Variants in ACAT1 observed in about 807,000 individuals in gnomAD.
ACAT1 encodes acetyl-CoA acetyltransferase, mitochondrial.
A neutral mutation model predicts 47.3 loss-of-function variants in ACAT1; 28 were observed. The observed-to-expected ratio is 0.59, with a 90% CI of 0.44 to 0.81. The LOEUF (loss-of-function observed/expected upper bound fraction) is 0.81, where lower values mean the gene tolerates loss of function less well. Ranked by LOEUF, ACAT1 falls within the 30% of genes least tolerant of loss-of-function variation. ACAT1 has a pLI of 0.00. For missense variants in ACAT1, 469 were observed against 524.3 expected (o/e 0.89, Z 1.03); for synonymous variants, 181 against 173.6 (o/e 1.04, Z -0.34).
intron 1 of ACAT1, among the ~76,000 whole-genome samples, chr11:108,129,550 G>C (rs933595241): frequency 6.6e-6 from 1 of 152,040 alleles, no homozygotes; most frequent in Non-Finnish European, 1.5e-5. Context: ...TGTATTTTTA[G>C]TAGAGTTGGG....
In ACAT1 at chr11:108,131,959, GTAATT is replaced by G; in HGVS notation, c.120+9_120+13del. ...GTATCAAAACCCACTTTGAAGGTAAGTAATTTAAATTGTGCTTTAAAATTTCCAGA... is the reference window on the plus strand; with the variant it reads ...GTATCAAAACCCACTTTGAAGGTAAGTAAATTGTGCTTTAAAATTTCCAGA... On this transcript the variant is annotated splice_donor_region_variant and intron_variant, in intron 2 of 11. Coordinates refer to ENST00000265838, the MANE Select transcript of ACAT1 (RefSeq NM_000019.4). 6.6e-7 allele frequency: 1 copy of G among 1,504,682 alleles called. No individual in the cohort carries two copies. The highest frequency in any genetic ancestry group is 1.4e-5 in the African/African-American group (1 of 72,702). The allele number at this position is 1,504,682 out of a possible 1,614,324, so 93.2% of individuals were successfully genotyped here. A position where few individuals can be genotyped will look rare whatever the true frequency, so the allele number is the denominator to read the frequency against.
intron 6 of ACAT1, 66 bp downstream of exon 6, chr11:108,139,107 A>G (rs768058210): frequency 2.5e-6 from 4 of 1,586,932 alleles, no homozygotes; most frequent in African/African-American, 1.3e-5. Flanking sequence ...TTCTTACTCT[A>G]TGTACTTTAC....
chr11:108,142,822 GCGAGACC>G, intron 9 of ACAT1: 1 of 420,526 alleles, frequency 2.4e-6, no homozygotes. Context: ...GGGTGACAGA[GCGAGACC>G]CTGTCTTAAA....
chr11:108,140,085 A>G lies in ACAT1; in HGVS notation c.600A>G (p.Thr200=). 6.2e-7 allele frequency: 1 copy of G among 1,614,102 alleles called. No individual in the cohort carries two copies. Among genetic ancestry groups the G allele is most frequent in the Non-Finnish European group, 8.5e-7 (1 of 1,179,952 alleles). Residue 200 remains threonine, a synonymous_variant, in exon 7 of 12, where the codon ACA becomes ACG. Transcript: ENST00000265838. ...KIHMGSCAEN[T]AKKLNIARNE... Reference sequence around the variant, plus strand: ...ATCAGGGCAGCTGTGCTGAGAATACAGCAAAGAAGCTGAATATTGCACGAA... The same window carrying G: ...ATCAGGGCAGCTGTGCTGAGAATACGGCAAAGAAGCTGAATATTGCACGAA...
chr11:108,117,324 TGGAGA>T (rs1864971265), upstream of ACAT1, among the ~76,000 whole-genome samples: 2 of 147,118 alleles, frequency 1.4e-5, no homozygotes, highest in African/African-American at 2.5e-5. Context: ...TTTTTTTTTT[TGGAGA>T]CAGAGTTTTG....
upstream of ACAT1, among the ~76,000 whole-genome samples, chr11:108,118,772 A>G (rs2077105904): frequency 6.6e-6 from 1 of 152,246 alleles, no homozygotes; most frequent in Admixed American, 6.5e-5. Flanking sequence ...TTTAAAGAGC[A>G]GCTTGCCTGC....
At chr11:108,141,369 C>CAAAAAAAAAAAAA (rs60002941) in intron 7 of ACAT1, among the ~76,000 whole-genome samples, 11 of 69,320 alleles carry the variant, frequency 1.6e-4, no homozygotes, top group Non-Finnish European at 2.5e-4. Context: ...AACCCTGCCT[C>CAAAAAAAAAAAAA]AAAAAAAAAA....
upstream of ACAT1, among the ~76,000 whole-genome samples, chr11:108,118,950 C>G (rs1363817036): frequency 6.6e-6 from 1 of 152,138 alleles, no homozygotes; most frequent in African/African-American, 2.4e-5. Context: ...AGTTAGGTTT[C>G]TCCTAGGGCA....
In ACAT1 at chr11:108,133,847, AC is replaced by A. The variant is rs779565865; in HGVS notation, c.149del (p.Thr50AsnfsTer7). ...AGTGGTCATAGTAAGTGCTACAAGA[AC>A]ACCCATTGGATCTTTTTTAGGCAGC... Reference protein sequence around the residue: ...KEVVIVSATRTPIGSFLGSLS... With the variant: ...KEVVIVSATRXPIGSFLGSLS... On this transcript the variant is annotated frameshift_variant, in exon 3 of 12. Coordinates refer to ENST00000265838, the MANE Select transcript of ACAT1 (RefSeq NM_000019.4). LOFTEE classifies it high-confidence loss of function. The A allele has an allele frequency of 1.9e-6, 3 of 1,613,972 alleles. No homozygotes were observed. The East Asian group carries it at 6.7e-5, about 36-fold the overall frequency.
At chr11:108,142,403 A>G in intron 8 of ACAT1, 34 bp from the exon 9 acceptor site, 1 of 1,489,036 alleles carries the variant, frequency 6.7e-7, no homozygotes, top group Non-Finnish European at 9.4e-7. Context: ...ATTGTGAAGG[A>G]ATGTTTTGAC....
Position 108,145,696 on chromosome 11 carries a change from C to A in ACAT1, c.1006-506C>A, listed in dbSNP as rs532182210. Reference sequence around the variant, plus strand: ...AAATTTTCTGTCCCCTATGTCAAAACAGACATAATGCAAACAAAATTCTTT... The same window carrying A: ...AAATTTTCTGTCCCCTATGTCAAAAAAGACATAATGCAAACAAAATTCTTT... On this transcript the variant is annotated intron_variant, in intron 10 of 11. Transcript: ENST00000265838. 9.2e-5 allele frequency among the ~76,000 whole-genome samples: 14 copies of A among 152,122 alleles called. No homozygotes were observed. The South Asian group carries it at 1.2e-3, about 14-fold the overall frequency.
At chr11:108,130,896 C>T (rs1036120180) in intron 1 of ACAT1, among the ~76,000 whole-genome samples, 1 of 151,936 alleles carries the variant, frequency 6.6e-6, no homozygotes, top group African/African-American at 2.4e-5. Context: ...ATTACAGGTG[C>T]CCGCTACCAC....
chr11:108,139,416 C>A (rs1339518350), intron 6 of ACAT1, among the ~76,000 whole-genome samples: 3 of 151,920 alleles, frequency 2.0e-5, no homozygotes, highest in East Asian at 3.9e-4. Flanking sequence ...TGTGGTGAGA[C>A]CCTGTCTCTA....
Position 108,133,912 on chromosome 11 carries a change from A to G in ACAT1, c.213A>G (p.Ala71=). 6.2e-7 allele frequency: 1 copy of G among 1,614,082 alleles called. No homozygotes were observed. Among genetic ancestry groups the G allele is most frequent in the Non-Finnish European group, 8.5e-7 (1 of 1,180,000 alleles). Residue 71 remains alanine (A), a synonymous_variant, in exon 3 of 12, where the codon GCA becomes GCG. Transcript: ENST00000265838. The part of the protein sequence containing the change: ...LLPATKLGSI[A]IQGAIEKAGI... Reference sequence around the variant, plus strand: ...CAGCCACTAAGCTTGGTTCCATTGCAATTCAGGGAGCCATTGAAAAGGCAG... The same window carrying G: ...CAGCCACTAAGCTTGGTTCCATTGCGATTCAGGGAGCCATTGAAAAGGCAG...
At chr11:108,132,063 T>TA in intron 2 of ACAT1, 109 bp downstream of exon 2, 2 of 692,226 alleles carry the variant, frequency 2.9e-6, no homozygotes, top group Admixed American at 4.1e-5. Flanking sequence ...CAGGATTATG[T>TA]AACAGTTAGG....
chr11:108,140,262 GA>G, intron 7 of ACAT1, 47 bp downstream of exon 7: 1 of 1,607,684 alleles, frequency 6.2e-7, no homozygotes, highest in South Asian at 1.1e-5. Flanking sequence ...TCATGTTGCT[GA>G]ATGTTTTATG....
At chr11:108,140,957 G>T (rs2077571647) in intron 7 of ACAT1, among the ~76,000 whole-genome samples, 1 of 152,094 alleles carries the variant, frequency 6.6e-6, no homozygotes, top group Admixed American at 6.6e-5. Context: ...TGGGTGCAGT[G>T]GCTCACACCT....
At position 108,146,183 on chromosome 11, in the gene ACAT1, G is replaced by A. The variant is rs376613351; in HGVS notation, c.1006-19G>A. Reference sequence around the variant, plus strand: ...ATTGCTAATTATTTGAACATCATCTGTCTTTTAAAAAATTTAAGGTTCTTA... The same window carrying A: ...ATTGCTAATTATTTGAACATCATCTATCTTTTAAAAAATTTAAGGTTCTTA... On this transcript the variant is annotated intron_variant, in intron 10 of 11. Coordinates refer to ENST00000265838, the MANE Select transcript of ACAT1 (RefSeq NM_000019.4). 2 of 1,580,994 alleles carry A rather than the reference G, an allele frequency of 1.3e-6. No individual in the cohort carries two copies. Among genetic ancestry groups the A allele is most frequent in the East Asian group, 2.2e-5 (1 of 44,614 alleles).
In ACAT1 at chr11:108,141,633, T is replaced by C. The variant is rs983216159; in HGVS notation, c.759T>C (p.Asp253=). Residue 253 remains aspartate, a synonymous_variant, in exon 8 of 12, where the codon GAT becomes GAC. Transcript: ENST00000265838. ...AACCAGATGTAGTGGTGAAAGAAGA[T>C]GAAGAATATAAACGTGTTGATTTTA... ...KGQPDVVVKE[D]EEYKRVDFSK... 2 of 1,613,302 alleles carry C rather than the reference T, an allele frequency of 1.2e-6. No individual in the cohort carries two copies. The highest frequency in any genetic ancestry group is 3.3e-5 in the Admixed American group (2 of 59,986).
Sources: gnomAD v4.1 joint callset for allele counts (sites outside exome capture counted in the v4.1 genomes callset) on GRCh38, gnomAD v4.1.1 for gene constraint, MANE v1.5 for transcripts, NCBI Gene and HGNC (gene_info 2026-07-23, HGNC 2026-07-21) for gene names.